CEP63: variants seen among roughly 807,000 people sequenced by gnomAD.
CEP63 encodes the protein centrosomal protein 63.
Under a neutral mutation model 89.1 loss-of-function variants are expected in CEP63, and 84 were observed. That is an observed-to-expected ratio of 0.94 (90% CI 0.79 to 1.13). CEP63 has a LOEUF of 1.13. CEP63 is among the 50% of genes most tolerant of loss of function. The pLI, the probability that CEP63 is intolerant of heterozygous loss-of-function variation, is 0.00. For missense variants in CEP63, 838 were observed against 813.3 expected, an observed-to-expected ratio of 1.03 and a Z score of -0.37; for synonymous variants, 267 against 272.5, an observed-to-expected ratio of 0.98 and a Z score of 0.20.
At chr3:134,576,462 C>A (rs1958214630), downstream of CEP63, among the ~76,000 whole-genome samples, 2 of 152,212 alleles carry the variant, frequency 1.3e-5, no homozygotes, top group Non-Finnish European at 2.9e-5. Flanking sequence ...ACTAGTAACA[C>A]ACCTGTGCCC....
the CEP63 span, among the ~76,000 whole-genome samples, chr3:134,628,809 G>C: frequency 6.6e-6 from 1 of 152,244 alleles, no homozygotes; most frequent in South Asian, 2.1e-4. Context: ...ACTTGCCCAA[G>C]GTCACACAGC....
At chr3:134,755,952 C>T in the CEP63 span, among the ~76,000 whole-genome samples, 2 of 152,264 alleles carry the variant, frequency 1.3e-5, no homozygotes, top group Non-Finnish European at 2.9e-5. Context: ...CACGGGTCCA[C>T]AGCATGACCT....
chr3:134,593,571 C>G, the CEP63 span, among the ~76,000 whole-genome samples: 2 of 152,238 alleles, frequency 1.3e-5, no homozygotes, highest in East Asian at 3.9e-4. Context: ...ACAGGCTTCC[C>G]CAGGCTCATG....
At chr3:134,707,594 G>A in the CEP63 span, among the ~76,000 whole-genome samples, 1 of 152,160 alleles carries the variant, frequency 6.6e-6, no homozygotes, top group Non-Finnish European at 1.5e-5. Flanking sequence ...CCTGCTGTGA[G>A]AGAGTAGAGT....
chr3:134,693,733 T>C, the CEP63 span, among the ~76,000 whole-genome samples: 2 of 152,214 alleles, frequency 1.3e-5, no homozygotes, highest in Non-Finnish European at 2.9e-5. Flanking sequence ...CACCAAACTC[T>C]TGGAAGCCTC....
the CEP63 span, among the ~76,000 whole-genome samples, chr3:134,640,276 T>TGGAA: frequency 6.6e-6 from 1 of 152,120 alleles, no homozygotes; most frequent in Non-Finnish European, 1.5e-5. Context: ...CTGTCCTGTA[T>TGGAA]GGAAGAGACA....
the CEP63 span, among the ~76,000 whole-genome samples, chr3:134,597,615 A>G: frequency 6.6e-6 from 1 of 152,232 alleles, no homozygotes; most frequent in Non-Finnish European, 1.5e-5. Flanking sequence ...AGGCAGCCCC[A>G]GCAAGTGGCT....
At chr3:134,654,051 C>T in the CEP63 span, among the ~76,000 whole-genome samples, 78 of 152,314 alleles carry the variant, frequency 5.1e-4, no homozygotes, top group African/African-American at 1.8e-3. Flanking sequence ...TTCCAGGATA[C>T]AGAAAGACAA....
chr3:134,721,007 G>A, the CEP63 span, among the ~76,000 whole-genome samples: 83,822 of 151,858 alleles, frequency 0.55, 24,651 homozygotes, highest in East Asian at 0.78. Flanking sequence ...TGCAAAAAAG[G>A]GAAGTTGGGA....
At chr3:134,495,042 G>A (rs1310768719) in intron 1 of CEP63, among the ~76,000 whole-genome samples, 2 of 152,192 alleles carry the variant, frequency 1.3e-5, no homozygotes, top group African/African-American at 4.8e-5. Context: ...AAAGAACAAT[G>A]AGATATTTGA....
the CEP63 span, among the ~76,000 whole-genome samples, chr3:134,605,160 G>C: frequency 2.0e-5 from 3 of 151,982 alleles, no homozygotes; most frequent in African/African-American, 7.3e-5. Flanking sequence ...TTTCATCTTC[G>C]TCTGTCCTGG....
intron 1 of CEP63, among the ~76,000 whole-genome samples, chr3:134,487,205 C>T (rs1257879584): frequency 1.3e-5 from 2 of 152,200 alleles, no homozygotes. Flanking sequence ...GATTAGATTT[C>T]TGTTAGCTGT....
chr3:134,741,403 A>G, the CEP63 span, among the ~76,000 whole-genome samples: 1 of 152,160 alleles, frequency 6.6e-6, no homozygotes, highest in Non-Finnish European at 1.5e-5. Flanking sequence ...GTAGAGAGTG[A>G]GGTAGCATCT....
chr3:134,700,787 G>A, the CEP63 span, among the ~76,000 whole-genome samples: 11 of 152,024 alleles, frequency 7.2e-5, no homozygotes, highest in Non-Finnish European at 1.3e-4. Flanking sequence ...CCACTCCCCT[G>A]TTTTCAGCCC....
the CEP63 span, among the ~76,000 whole-genome samples, chr3:134,721,979 G>A: frequency 6.6e-6 from 1 of 151,994 alleles, no homozygotes; most frequent in Non-Finnish European, 1.5e-5. Context: ...AGGTAACATT[G>A]GCTTCATAGA....
chr3:134,567,512 A>G (rs1560069686), downstream of CEP63, among the ~76,000 whole-genome samples: 1 of 152,066 alleles, frequency 6.6e-6, no homozygotes, highest in Non-Finnish European at 1.5e-5. Flanking sequence ...CTCCTTAAAA[A>G]TATCAAGTTT....
the CEP63 span, among the ~76,000 whole-genome samples, chr3:134,744,935 A>G: frequency 0.022 from 3,389 of 152,322 alleles, 123 homozygotes; most frequent in African/African-American, 0.076. Context: ...TTATTGAGGT[A>G]TGAGCACATA....
chr3:134,551,129 G>T (rs972402658), intron 11 of CEP63, among the ~76,000 whole-genome samples: 6 of 152,300 alleles, frequency 3.9e-5, no homozygotes, highest in Non-Finnish European at 7.3e-5. Context: ...TGGTGGAGAG[G>T]ACATTGGTTT....
intron 3 of CEP63, among the ~76,000 whole-genome samples, chr3:134,526,257 G>A (rs897501502): frequency 2.6e-5 from 4 of 151,574 alleles, no homozygotes; most frequent in Non-Finnish European, 4.4e-5. Flanking sequence ...TAAAATTCTT[G>A]TGGCATGTTT....
Sources: allele counts gnomAD v4.1 joint callset (sites outside exome capture counted in the v4.1 genomes callset), GRCh38; gene constraint gnomAD v4.1.1; transcripts MANE v1.5; gene names NCBI Gene and HGNC (gene_info 2026-07-23, HGNC 2026-07-21).